Variants in SBF2 observed in about 807,000 individuals in gnomAD.
SBF2 encodes myotubularin-related protein 13.
SBF2 carries 112 observed loss-of-function variants against 225.2 expected under a neutral mutation model. The ratio of observed to expected loss-of-function variants is 0.50; its 90% CI spans 0.43 to 0.58. The LOEUF (loss-of-function observed/expected upper bound fraction) is 0.58, where lower values mean the gene tolerates loss of function less well. SBF2 is among the 20% of genes least tolerant of loss of function. SBF2 has a pLI of 0.00. For missense variants in SBF2, 1,996 were observed against 2,206.2 expected (o/e 0.90, Z 1.91); for synonymous variants, 763 against 773.3 (o/e 0.99, Z 0.22).
In SBF2 at chr11:10,097,253, T is replaced by C. The variant is rs577283165; in HGVS notation, c.142-54272A>G. ...GCACTTGACAACAGAGAACAAGCCA[T>C]CACCAGACAACAAACTTTCTGCAAC... On this transcript the variant is annotated intron_variant, in intron 2 of 39. Transcript: ENST00000256190. Among the ~76,000 whole-genome samples, 10 of 152,334 alleles carry C rather than the reference T, an allele frequency of 6.6e-5. No homozygotes were observed. In the South Asian group the frequency reaches 1.7e-3, roughly 25 times the overall value.
intron 2 of SBF2, among the ~76,000 whole-genome samples, chr11:10,081,787 T>C (rs1319612449): frequency 1.4e-5 from 2 of 147,422 alleles, no homozygotes; most frequent in African/African-American, 2.5e-5. Flanking sequence ...AAAAGAAATA[T>C]TGCACATTAG....
intron 2 of SBF2, among the ~76,000 whole-genome samples, chr11:10,057,234 C>A (rs1203965069): frequency 1.3e-5 from 2 of 152,146 alleles, no homozygotes; most frequent in African/African-American, 4.8e-5. Flanking sequence ...CCTCACTGTG[C>A]AGGTCCTCCA....
intron 2 of SBF2, among the ~76,000 whole-genome samples, chr11:10,166,047 C>G (rs141557858): frequency 6.6e-6 from 1 of 152,056 alleles, no homozygotes; most frequent in Non-Finnish European, 1.5e-5. Context: ...CATACAATAC[C>G]GAGTCCATAA....
intron 1 of SBF2, among the ~76,000 whole-genome samples, chr11:10,224,041 T>A (rs892235826): frequency 2.0e-5 from 3 of 152,188 alleles, no homozygotes; most frequent in Non-Finnish European, 4.4e-5. Flanking sequence ...TAAGTTTTCA[T>A]AAATTTTAAC....
chr11:9,907,439 A>G (rs1590396898), intron 16 of SBF2, among the ~76,000 whole-genome samples: 1 of 152,132 alleles, frequency 6.6e-6, no homozygotes, highest in African/African-American at 2.4e-5. Context: ...TCTCCTTGGT[A>G]TTTTCATATG....
intron 2 of SBF2, among the ~76,000 whole-genome samples, chr11:10,132,515 G>A (rs61878637): frequency 1.4e-5 from 2 of 145,340 alleles, no homozygotes; most frequent in East Asian, 2.3e-4. Flanking sequence ...AGACCTTCGC[G>A]GTGAGTGTTA....
At chr11:10,035,909 G>A (rs1316195815) in intron 3 of SBF2, among the ~76,000 whole-genome samples, 1 of 152,122 alleles carries the variant, frequency 6.6e-6, no homozygotes, top group Non-Finnish European at 1.5e-5. Flanking sequence ...CCACATTACT[G>A]GGTGTATACC....
At chr11:9,894,499 A>G (rs1425161096) in intron 17 of SBF2, among the ~76,000 whole-genome samples, 1 of 151,910 alleles carries the variant, frequency 6.6e-6, no homozygotes, top group Non-Finnish European at 1.5e-5. Context: ...CCTGGGCGAC[A>G]GAGCGAGACC....
At chr11:9,909,595 G>A (rs1199131804) in intron 16 of SBF2, among the ~76,000 whole-genome samples, 2 of 151,262 alleles carry the variant, frequency 1.3e-5, no homozygotes, top group East Asian at 1.9e-4. Flanking sequence ...GCATGAACCC[G>A]GGAGGTGGAG....
intron 1 of SBF2, among the ~76,000 whole-genome samples, chr11:10,211,020 A>AAAAAAAAAAAAAAAAT (rs1304966567): frequency 6.8e-6 from 1 of 147,692 alleles, no homozygotes; most frequent in Non-Finnish European, 1.5e-5. Flanking sequence ...GACTCAAAAA[A>AAAAAAAAAAAAAAAAT]AAAAAAAAAA....
chr11:9,835,464 ATAAAT>A (rs1171677905), intron 26 of SBF2, among the ~76,000 whole-genome samples: 3 of 151,844 alleles, frequency 2.0e-5, no homozygotes, highest in African/African-American at 7.3e-5. Context: ...ACAAAAATAA[ATAAAT>A]AAAATAAAAA....
chr11:10,133,259 A>ACC (rs1363619113), intron 2 of SBF2, among the ~76,000 whole-genome samples: 10,224 of 148,410 alleles, frequency 0.069, 849 homozygotes, highest in Middle Eastern at 0.15. Context: ...GATCCCGCGT[A>ACC]GGGGCTGCAG....
chr11:10,161,098 T>A (rs746879038), intron 2 of SBF2, among the ~76,000 whole-genome samples: 1 of 148,732 alleles, frequency 6.7e-6, no homozygotes, highest in Non-Finnish European at 1.5e-5. Flanking sequence ...GGCAGGAGAA[T>A]TGCTTGAGCC....
chr11:9,854,299 T>A (rs1233438556), intron 19 of SBF2, among the ~76,000 whole-genome samples: 2 of 152,216 alleles, frequency 1.3e-5, no homozygotes, highest in Admixed American at 6.5e-5. Context: ...AGCATTCTTC[T>A]GTAGATGATA....
At chr11:9,908,522 G>C (rs1483099976) in intron 16 of SBF2, among the ~76,000 whole-genome samples, 1 of 152,162 alleles carries the variant, frequency 6.6e-6, no homozygotes, top group Non-Finnish European at 1.5e-5. Context: ...AGCTACTCAG[G>C]AGGCTGAGGC....
At chr11:10,291,524 C>T (rs946405465) in intron 1 of SBF2, among the ~76,000 whole-genome samples, 2 of 152,128 alleles carry the variant, frequency 1.3e-5, no homozygotes, top group African/African-American at 4.8e-5. Context: ...CCGCGAGCTC[C>T]CCTTTCTGGT....
intron 1 of SBF2, among the ~76,000 whole-genome samples, chr11:10,211,485 C>A (rs1393923963): frequency 6.6e-6 from 1 of 152,168 alleles, no homozygotes; most frequent in African/African-American, 2.4e-5. Context: ...AATACTGTTA[C>A]CTCAGAAATT....
intron 1 of SBF2, among the ~76,000 whole-genome samples, chr11:10,255,407 T>C (rs566545201): frequency 7.9e-4 from 120 of 152,322 alleles, no homozygotes; most frequent in African/African-American, 2.5e-3. Flanking sequence ...ACAAATCTAC[T>C]GGTTTGTCAA....
At chr11:10,081,691 CA>C (rs1951370339) in intron 2 of SBF2, among the ~76,000 whole-genome samples, 1 of 149,380 alleles carries the variant, frequency 6.7e-6, no homozygotes, top group Non-Finnish European at 1.5e-5. Flanking sequence ...ACCTGGAAGG[CA>C]GAGGTTACAG....
Sources: gnomAD v4.1 joint callset for allele counts (sites outside exome capture counted in the v4.1 genomes callset) on GRCh38, gnomAD v4.1.1 for gene constraint, MANE v1.5 for transcripts, NCBI Gene and HGNC (gene_info 2026-07-23, HGNC 2026-07-21) for gene names.